Variants in ROBO1 observed in about 807,000 individuals in gnomAD.
ROBO1 encodes the protein roundabout homolog 1.
A neutral mutation model predicts 195.9 loss-of-function variants in ROBO1; 149 were observed. That is an observed-to-expected ratio of 0.76 (90% CI 0.67 to 0.87). The LOEUF is 0.87. ROBO1 is among the 40% of genes least tolerant of loss of function. The probability of loss-of-function intolerance (pLI) is 0.00; values close to 1 mark genes in which losing one functional copy is unlikely to be tolerated. For missense variants in ROBO1, 1,933 were observed against 2,068.3 expected, an observed-to-expected ratio of 0.93 and a Z score of 1.27; for synonymous variants, 816 against 733.2, an observed-to-expected ratio of 1.11 and a Z score of -1.82.
At chr3:79,732,944 T>C (rs1042399056) in intron 1 of ROBO1, among the ~76,000 whole-genome samples, 5 of 152,184 alleles carry the variant, frequency 3.3e-5, no homozygotes, top group African/African-American at 9.7e-5. Flanking sequence ...ATCATGAGTT[T>C]TAGACCTGTA....
intron 3 of ROBO1, among the ~76,000 whole-genome samples, chr3:78,980,744 G>T (rs2107983374): frequency 6.6e-6 from 1 of 151,846 alleles, no homozygotes; most frequent in South Asian, 2.1e-4. Flanking sequence ...CCCTTGCTTT[G>T]GTATATGTAA....
At chr3:79,634,953 T>C (rs895549349) in intron 1 of ROBO1, among the ~76,000 whole-genome samples, 5 of 152,202 alleles carry the variant, frequency 3.3e-5, no homozygotes, top group African/African-American at 1.2e-4. Context: ...GAACTTAATA[T>C]GTATCAGGGA....
intron 5 of ROBO1, among the ~76,000 whole-genome samples, chr3:78,737,784 T>G (rs2082426487): frequency 6.6e-6 from 1 of 152,174 alleles, no homozygotes; most frequent in Non-Finnish European, 1.5e-5. Context: ...ACTTACCATA[T>G]TTAAATCCCA....
chr3:78,685,519 T>C (rs1230344297), intron 10 of ROBO1, among the ~76,000 whole-genome samples: 1 of 152,184 alleles, frequency 6.6e-6, no homozygotes. Context: ...AAACTTCTCC[T>C]TAGATAATTG....
At chr3:79,141,586 T>C (rs1017655686) in intron 2 of ROBO1, among the ~76,000 whole-genome samples, 3 of 150,708 alleles carry the variant, frequency 2.0e-5, no homozygotes, top group South Asian at 2.1e-4. Context: ...TTTTTTCTTT[T>C]CTCTAGCTCT....
At chr3:79,697,531 G>A (rs1163012415) in intron 1 of ROBO1, among the ~76,000 whole-genome samples, 3 of 151,158 alleles carry the variant, frequency 2.0e-5, no homozygotes, top group African/African-American at 7.3e-5. Flanking sequence ...AGACATTATG[G>A]CCTAAAACTG....
chr3:79,388,596 A>G (rs892318702), intron 2 of ROBO1, among the ~76,000 whole-genome samples: 1 of 152,182 alleles, frequency 6.6e-6, no homozygotes, highest in Non-Finnish European at 1.5e-5. Flanking sequence ...AGTTGGCCCT[A>G]TAGTGAACTC....
intron 2 of ROBO1, among the ~76,000 whole-genome samples, chr3:79,461,521 T>C (rs568896435): frequency 1.3e-5 from 2 of 152,306 alleles, no homozygotes; most frequent in South Asian, 4.1e-4. Flanking sequence ...GTCTGGATTG[T>C]CATCCATACA....
intron 4 of ROBO1, among the ~76,000 whole-genome samples, chr3:78,795,889 GA>G (rs2084172513): frequency 6.8e-6 from 1 of 147,070 alleles, no homozygotes; most frequent in South Asian, 2.2e-4. Flanking sequence ...TGACCCTACT[GA>G]AAAGGAAGGA....
chr3:79,316,762 ATT>A (rs201356921), intron 2 of ROBO1, among the ~76,000 whole-genome samples: 1 of 152,036 alleles, frequency 6.6e-6, no homozygotes, highest in Non-Finnish European at 1.5e-5. Flanking sequence ...ACTTATTTGC[ATT>A]TTTTTGTATT....
At position 78,812,720 on chromosome 3, in the gene ROBO1, C is replaced by T. The variant is rs79026177; in HGVS notation, c.500-65820G>A. Among the ~76,000 whole-genome samples the T allele has an allele frequency of 1.5e-3, 235 of 152,144 alleles. 6 individuals carry two copies. The East Asian group carries it at 0.041, about 27-fold the overall frequency. On this transcript the variant is annotated intron_variant, in intron 4 of 30. Coordinates refer to ENST00000464233, the MANE Select transcript of ROBO1 (RefSeq NM_002941.4). ...CTTTGTTCTTTTGTCACCCCAGCACCTAGAATAGTGACTGCCACTAAAACG... is the reference window on the plus strand; with the variant it reads ...CTTTGTTCTTTTGTCACCCCAGCACTTAGAATAGTGACTGCCACTAAAACG...
chr3:78,939,853 A>C (rs951071842), intron 3 of ROBO1, among the ~76,000 whole-genome samples: 1 of 151,928 alleles, frequency 6.6e-6, no homozygotes, highest in Non-Finnish European at 1.5e-5. Context: ...TATACTATTA[A>C]ATGGAAAAGG....
At chr3:79,426,648 G>A (rs561695979) in intron 2 of ROBO1, among the ~76,000 whole-genome samples, 47 of 152,222 alleles carry the variant, frequency 3.1e-4, no homozygotes, top group African/African-American at 4.8e-4. Flanking sequence ...GATTACAGGC[G>A]TAAGCCACCG....
At chr3:79,740,668 C>T (rs376041935) in intron 1 of ROBO1, among the ~76,000 whole-genome samples, 3 of 152,182 alleles carry the variant, frequency 2.0e-5, no homozygotes, top group South Asian at 4.1e-4. Context: ...AGAAACCGCC[C>T]CCATGATTCA....
At chr3:78,858,643 A>T (rs2034601496) in intron 4 of ROBO1, among the ~76,000 whole-genome samples, 2 of 151,608 alleles carry the variant, frequency 1.3e-5, no homozygotes, top group Non-Finnish European at 2.9e-5. Context: ...CCAGCTACTC[A>T]GGAGGCTGAG....
At chr3:79,440,353 T>C (rs2039013326) in intron 2 of ROBO1, among the ~76,000 whole-genome samples, 1 of 152,090 alleles carries the variant, frequency 6.6e-6, no homozygotes, top group Admixed American at 6.6e-5. Context: ...CATACCAAAC[T>C]ATTTGTACTT....
At chr3:78,845,502 C>T (rs977394010) in intron 4 of ROBO1, among the ~76,000 whole-genome samples, 4 of 151,836 alleles carry the variant, frequency 2.6e-5, no homozygotes, top group Non-Finnish European at 5.9e-5. Context: ...GTGATATCTA[C>T]GTGTGTGTTT....
At chr3:79,150,788 T>C (rs2080751957) in intron 2 of ROBO1, among the ~76,000 whole-genome samples, 1 of 151,850 alleles carries the variant, frequency 6.6e-6, no homozygotes, top group Non-Finnish European at 1.5e-5. Context: ...CATAAAAGGA[T>C]ATCTTGACTT....
chr3:78,844,751 T>C (rs1465345452), intron 4 of ROBO1, among the ~76,000 whole-genome samples: 1 of 152,120 alleles, frequency 6.6e-6, no homozygotes, highest in Non-Finnish European at 1.5e-5. Flanking sequence ...TACATATATT[T>C]TCAAGAAAGT....
Sources: gnomAD v4.1 joint callset for allele counts (sites outside exome capture counted in the v4.1 genomes callset) on GRCh38, gnomAD v4.1.1 for gene constraint, MANE v1.5 for transcripts, NCBI Gene and HGNC (gene_info 2026-07-23, HGNC 2026-07-21) for gene names.